Variants in GPHN observed in about 807,000 individuals in gnomAD.
GPHN encodes gephyrin.
In GPHN, 17 loss-of-function variants were observed where a neutral mutation model predicts 95.5. The ratio of observed to expected loss-of-function variants is 0.18; its 90% CI spans 0.12 to 0.27. The LOEUF (loss-of-function observed/expected upper bound fraction) is 0.27, where lower values mean the gene tolerates loss of function less well. Among genes scored for constraint, GPHN ranks in the 10% least tolerant of loss-of-function variants. The pLI is 1.00. For missense variants in GPHN, 660 were observed against 978.1 expected (o/e 0.67, Z 4.34); for synonymous variants, 320 against 322.5 (o/e 0.99, Z 0.08).
intron 2 of GPHN, among the ~76,000 whole-genome samples, chr14:66,697,491 G>T (rs1254353835): frequency 6.6e-6 from 1 of 152,108 alleles, no homozygotes; most frequent in Non-Finnish European, 1.5e-5. Context: ...CAACAGTATT[G>T]AATGATGTTA....
chr14:67,671,343 T>C, the GPHN span, among the ~76,000 whole-genome samples: 1 of 152,054 alleles, frequency 6.6e-6, no homozygotes, highest in East Asian at 1.9e-4. Context: ...CTGGCCAACA[T>C]GGTGAAACCC....
the GPHN span, chr14:67,557,419 G>A: frequency 6.2e-7 from 1 of 1,612,554 alleles, no homozygotes; most frequent in South Asian, 1.1e-5. Context: ...GGAGAAGCAG[G>A]TAAGGGCTCA....
At chr14:67,199,226 C>G in the GPHN span, 1 of 1,606,174 alleles carries the variant, frequency 6.2e-7, no homozygotes, top group East Asian at 2.2e-5. Context: ...AGCACCAAGG[C>G]TATGACTTTG....
chr14:66,896,319 T>C (rs1351481994), intron 5 of GPHN, among the ~76,000 whole-genome samples: 1 of 152,172 alleles, frequency 6.6e-6, no homozygotes, highest in Admixed American at 6.6e-5. Context: ...ACTGTGATTA[T>C]AGTTAAGTAT....
the GPHN span, among the ~76,000 whole-genome samples, chr14:67,193,965 CG>C: frequency 1.1e-4 from 15 of 131,104 alleles, no homozygotes; most frequent in East Asian, 7.0e-4. Flanking sequence ...AAAAAAAAAA[CG>C]AAAAACAAAA....
chr14:67,081,830 C>G (rs2076708323), intron 11 of GPHN, among the ~76,000 whole-genome samples: 1 of 152,182 alleles, frequency 6.6e-6, no homozygotes, highest in Non-Finnish European at 1.5e-5. Flanking sequence ...TGCCAATTAT[C>G]CCAGCACCAT....
At chr14:67,644,789 G>A in the GPHN span, among the ~76,000 whole-genome samples, 5 of 152,008 alleles carry the variant, frequency 3.3e-5, no homozygotes, top group Non-Finnish European at 7.4e-5. Context: ...ACTTGAGGTC[G>A]AGTTCAAGAC....
the GPHN span, among the ~76,000 whole-genome samples, chr14:67,465,854 A>C: frequency 6.6e-6 from 1 of 152,206 alleles, no homozygotes; most frequent in South Asian, 2.1e-4. Context: ...TGTCTTTTTA[A>C]GAGACAGAAG....
chr14:67,303,185 A>G, the GPHN span, among the ~76,000 whole-genome samples: 1 of 152,250 alleles, frequency 6.6e-6, no homozygotes, highest in Non-Finnish European at 1.5e-5. Context: ...GGATAGTGCT[A>G]GTATAATCAG....
At chr14:66,950,873 T>A (rs1336723058) in intron 8 of GPHN, among the ~76,000 whole-genome samples, 1 of 152,202 alleles carries the variant, frequency 6.6e-6, no homozygotes, top group Non-Finnish European at 1.5e-5. Flanking sequence ...TCTGTACTTT[T>A]CTGTAAAAAC....
chr14:67,490,707 C>G, the GPHN span, among the ~76,000 whole-genome samples: 4 of 152,298 alleles, frequency 2.6e-5, no homozygotes, highest in Non-Finnish European at 2.9e-5. Flanking sequence ...GGCCCCTCAT[C>G]ATCTCCTTGG....
chr14:66,948,479 C>A (rs1047922399), intron 8 of GPHN, among the ~76,000 whole-genome samples: 1 of 151,966 alleles, frequency 6.6e-6, no homozygotes, highest in African/African-American at 2.4e-5. Flanking sequence ...TGTTAAATTT[C>A]ATTTTGTTGG....
the GPHN span, among the ~76,000 whole-genome samples, chr14:67,294,037 A>G: frequency 2.0e-5 from 3 of 152,236 alleles, no homozygotes; most frequent in Non-Finnish European, 4.4e-5. Flanking sequence ...AAGTGGCTTA[A>G]AGAGTAAATG....
chr14:67,727,769 T>C, the GPHN span: 1 of 171,050 alleles, frequency 5.8e-6, no homozygotes, highest in Non-Finnish European at 1.3e-5. Flanking sequence ...TCCTAGTTTA[T>C]AGAGCAGAGC....
chr14:66,561,506 A>G (rs1233069116), intron 1 of GPHN, among the ~76,000 whole-genome samples: 2 of 152,068 alleles, frequency 1.3e-5, no homozygotes, highest in Non-Finnish European at 2.9e-5. Context: ...TTTATTTCCT[A>G]ACAGTTGCCT....
chr14:67,066,857 C>T (rs1429390064), intron 11 of GPHN, among the ~76,000 whole-genome samples: 1 of 152,082 alleles, frequency 6.6e-6, no homozygotes, highest in Non-Finnish European at 1.5e-5. Flanking sequence ...TTTTAGCTTC[C>T]TTGTGATGGG....
At chr14:67,643,902 G>A in the GPHN span, among the ~76,000 whole-genome samples, 3 of 139,380 alleles carry the variant, frequency 2.2e-5, no homozygotes, top group African/African-American at 5.4e-5. Flanking sequence ...TGAAGAAAAC[G>A]GTCACACCCA....
intron 15 of GPHN, 131 bp from the exon 16 acceptor site, chr14:67,112,887 G>A (rs2153686801): frequency 2.6e-6 from 2 of 757,572 alleles, no homozygotes; most frequent in Non-Finnish European, 4.6e-6. Flanking sequence ...TCAATTCATT[G>A]TTTTCCTACT....
At chr14:66,567,387 A>AG in intron 1 of GPHN, among the ~76,000 whole-genome samples, 1 of 152,334 alleles carries the variant, frequency 6.6e-6, no homozygotes, top group African/African-American at 2.4e-5. Flanking sequence ...GAAGTCTTCC[A>AG]GGGGCCTGAT....
Sources: gnomAD v4.1 joint callset for allele counts (sites outside exome capture counted in the v4.1 genomes callset) on GRCh38, gnomAD v4.1.1 for gene constraint, MANE v1.5 for transcripts, NCBI Gene and HGNC (gene_info 2026-07-23, HGNC 2026-07-21) for gene names.